GPR158: variants seen among roughly 807,000 people sequenced by gnomAD.
GPR158 encodes the protein G protein-coupled receptor 158.
A neutral mutation model predicts 78.2 loss-of-function variants in GPR158; 30 were observed. The ratio of observed to expected loss-of-function variants is 0.38; its 90% CI spans 0.29 to 0.52. The LOEUF (loss-of-function observed/expected upper bound fraction) is 0.52, where lower values mean the gene tolerates loss of function less well. Among genes scored for constraint, GPR158 ranks in the 20% least tolerant of loss-of-function variants. GPR158 has a pLI of 0.83. For missense variants in GPR158, 1,463 were observed against 1,523.5 expected (o/e 0.96, Z 0.66); for synonymous variants, 581 against 591.1 (o/e 0.98, Z 0.25).
chr10:25,399,601 CAGTAA>C (rs1834413693), intron 3 of GPR158, among the ~76,000 whole-genome samples: 1 of 152,136 alleles, frequency 6.6e-6, no homozygotes, highest in African/African-American at 2.4e-5. Flanking sequence ...GGGACCACTG[CAGTAA>C]AGTACTCTTT....
chr10:25,373,348 A>G (rs1834030491), intron 2 of GPR158, among the ~76,000 whole-genome samples: 1 of 151,988 alleles, frequency 6.6e-6, no homozygotes, highest in Non-Finnish European at 1.5e-5. Flanking sequence ...TACTAGGCTT[A>G]GTACCTGGGT....
At chr10:25,447,230 ATTAG>A (rs771029462) in intron 4 of GPR158, among the ~76,000 whole-genome samples, 9 of 152,210 alleles carry the variant, frequency 5.9e-5, no homozygotes, top group Non-Finnish European at 1.2e-4. Context: ...TATATATTTT[ATTAG>A]TTATGGTACA....
chr10:25,374,532 C>T (rs1834047688), intron 2 of GPR158, among the ~76,000 whole-genome samples: 1 of 151,674 alleles, frequency 6.6e-6, no homozygotes, highest in Non-Finnish European at 1.5e-5. Flanking sequence ...CATTATGAAG[C>T]TTTCTATTCA....
At chr10:25,429,186 G>A (rs116145512) in intron 4 of GPR158, among the ~76,000 whole-genome samples, 2,273 of 152,182 alleles carry the variant, frequency 0.015, 60 homozygotes, top group African/African-American at 0.052. Flanking sequence ...ACTTGAGATA[G>A]TTTGAAAAGT....
chr10:25,353,304 T>C (rs71495430), intron 2 of GPR158, among the ~76,000 whole-genome samples: 14,306 of 152,042 alleles, frequency 0.094, 1,640 homozygotes, highest in African/African-American at 0.28. Context: ...TCCTACACCT[T>C]GGTTTCATAA....
At chr10:25,349,289 A>G (rs1014812942) in intron 2 of GPR158, among the ~76,000 whole-genome samples, 3 of 151,816 alleles carry the variant, frequency 2.0e-5, no homozygotes, top group Non-Finnish European at 4.4e-5. Context: ...CCTTCCCTTC[A>G]TGAGGACACC....
At chr10:25,559,335 TTATAG>T (rs1447002946) in intron 6 of GPR158, among the ~76,000 whole-genome samples, 1 of 152,206 alleles carries the variant, frequency 6.6e-6, no homozygotes, top group Non-Finnish European at 1.5e-5. Context: ...ATTTTTGTCT[TTATAG>T]TAAGTATTCA....
chr10:25,513,317 T>A (rs542167093), intron 5 of GPR158, among the ~76,000 whole-genome samples: 19 of 152,196 alleles, frequency 1.2e-4, no homozygotes, highest in Non-Finnish European at 5.9e-5. Context: ...TTTTCTAGTT[T>A]TTGTGCATTC....
At chr10:25,296,865 T>C (rs1167299330) in intron 2 of GPR158, among the ~76,000 whole-genome samples, 1 of 152,226 alleles carries the variant, frequency 6.6e-6, no homozygotes, top group Non-Finnish European at 1.5e-5. Flanking sequence ...CCACTGCCTC[T>C]CTATAAATAC....
At chr10:25,591,467 A>G (rs1181521022) in intron 8 of GPR158, among the ~76,000 whole-genome samples, 1 of 152,150 alleles carries the variant, frequency 6.6e-6, no homozygotes, top group Non-Finnish European at 1.5e-5. Flanking sequence ...CAACCAGAAT[A>G]ATCACATGAA....
At chr10:25,594,059 G>A (rs140977490) in intron 8 of GPR158, among the ~76,000 whole-genome samples, 18 of 152,108 alleles carry the variant, frequency 1.2e-4, no homozygotes, top group African/African-American at 4.3e-4. Flanking sequence ...GAATTATTAT[G>A]CTGCCTTTCT....
At chr10:25,480,830 CT>C (rs1418327845) in intron 5 of GPR158, among the ~76,000 whole-genome samples, 3 of 152,158 alleles carry the variant, frequency 2.0e-5, no homozygotes, top group African/African-American at 7.2e-5. Context: ...TACCGTGTGC[CT>C]TTCAGGAGAT....
chr10:25,509,058 T>C (rs998187274), intron 5 of GPR158, among the ~76,000 whole-genome samples: 1 of 152,194 alleles, frequency 6.6e-6, no homozygotes, highest in Non-Finnish European at 1.5e-5. Flanking sequence ...TTGGCCTAGA[T>C]AATTCTTTGT....
Position 25,448,153 on chromosome 10 carries a change from A to G in GPR158, c.1336-18498A>G, listed in dbSNP as rs530303025. Among the ~76,000 whole-genome samples, 3 of 141,924 alleles carry G rather than the reference A, an allele frequency of 2.1e-5. No individual in the cohort carries two copies. The Admixed American group carries it at 2.3e-4, about 11-fold the overall frequency. 93.1% of individuals were successfully genotyped at this position (141,924 alleles called of 152,430 possible). A position where few individuals can be genotyped will look rare whatever the true frequency, so the allele number is the denominator to read the frequency against. ...AGGCTGGAGTGCAGTGGTGTGATCTAGGCTCACTGCAAGCTCTGCCTCCCA... is the reference window on the plus strand; with the variant it reads ...AGGCTGGAGTGCAGTGGTGTGATCTGGGCTCACTGCAAGCTCTGCCTCCCA... On this transcript the variant is annotated intron_variant, in intron 4 of 10. Coordinates refer to ENST00000376351, the MANE Select transcript of GPR158 (RefSeq NM_020752.3).
intron 4 of GPR158, among the ~76,000 whole-genome samples, chr10:25,419,519 G>C (rs1834716360): frequency 6.6e-6 from 1 of 152,110 alleles, no homozygotes; most frequent in South Asian, 2.1e-4. Context: ...CCTAGTAATG[G>C]AATTGCTGGA....
chr10:25,181,774 G>A (rs947065576), intron 1 of GPR158, among the ~76,000 whole-genome samples: 20 of 152,068 alleles, frequency 1.3e-4, no homozygotes, highest in African/African-American at 4.6e-4. Context: ...CTGGAGTGCA[G>A]TGGCACGATC....
chr10:25,352,630 A>G (rs1436351298), intron 2 of GPR158, among the ~76,000 whole-genome samples: 2 of 152,072 alleles, frequency 1.3e-5, no homozygotes, highest in Non-Finnish European at 2.9e-5. Context: ...TGCATGTTTT[A>G]TAAGCCTACC....
At chr10:25,433,886 G>A (rs1308396715) in intron 4 of GPR158, among the ~76,000 whole-genome samples, 1 of 151,736 alleles carries the variant, frequency 6.6e-6, no homozygotes, top group African/African-American at 2.4e-5. Context: ...TTGGTCAGGC[G>A]CGGTGGCTCA....
intron 5 of GPR158, among the ~76,000 whole-genome samples, chr10:25,541,612 A>AG (rs1432356007): frequency 2.6e-5 from 4 of 151,848 alleles, no homozygotes; most frequent in African/African-American, 9.7e-5. Flanking sequence ...AAAAAAAAAA[A>AG]ATTTTAGAAC....
Sources: gnomAD v4.1 joint callset for allele counts (sites outside exome capture counted in the v4.1 genomes callset) on GRCh38, gnomAD v4.1.1 for gene constraint, MANE v1.5 for transcripts, NCBI Gene and HGNC (gene_info 2026-07-23, HGNC 2026-07-21) for gene names.